Variants in PCDH11X observed in about 807,000 individuals in gnomAD.
PCDH11X encodes the protein protocadherin 11 X-linked.
Under a neutral mutation model 53.3 loss-of-function variants are expected in PCDH11X, and 18 were observed. That is an observed-to-expected ratio of 0.34 (90% confidence interval 0.23 to 0.50). PCDH11X has a LOEUF of 0.50. PCDH11X is among the 20% of genes least tolerant of loss of function. The pLI is 0.98. For synonymous variants in PCDH11X, 279 were observed against 393.3 expected, an observed-to-expected ratio of 0.71 and a Z score of 3.44; for missense variants, 570 against 1,032.4, an observed-to-expected ratio of 0.55 and a Z score of 6.14.
At chrX:91,923,138 C>T (rs1373126090) in intron 6 of PCDH11X, among the ~76,000 whole-genome samples, 1 of 105,397 alleles carries the variant, frequency 9.5e-6, no homozygotes, top group East Asian at 3.0e-4. Flanking sequence ...TAATTATGAC[C>T]TCATTATTGT....
chrX:92,313,741 A>G (rs1172756774), intron 8 of PCDH11X, among the ~76,000 whole-genome samples: 15 of 111,797 alleles, frequency 1.3e-4, no homozygotes, highest in African/African-American at 4.9e-4. Flanking sequence ...TTCTTTGGTT[A>G]CAAATCTGTA....
intron 6 of PCDH11X, among the ~76,000 whole-genome samples, chrX:91,933,906 A>T: frequency 9.1e-6 from 1 of 109,762 alleles, no homozygotes; most frequent in East Asian, 2.9e-4. Flanking sequence ...ACAATTAACA[A>T]AAATCACCCA....
intron 6 of PCDH11X, among the ~76,000 whole-genome samples, chrX:92,004,396 A>G (rs977176855): frequency 1.8e-5 from 2 of 110,944 alleles, no homozygotes; most frequent in African/African-American, 6.5e-5. Flanking sequence ...TATTAGGTCC[A>G]TTTGGTCTAT....
At chrX:91,864,118 C>T (rs1375914561) in intron 5 of PCDH11X, among the ~76,000 whole-genome samples, 7 of 111,219 alleles carry the variant, frequency 6.3e-5, no homozygotes, top group South Asian at 3.8e-4. Context: ...ACTTATTGCT[C>T]GTTAATGTCT....
At chrX:92,223,729 T>C (rs1206770273) in intron 7 of PCDH11X, among the ~76,000 whole-genome samples, 1 of 112,034 alleles carries the variant, frequency 8.9e-6, no homozygotes, top group Non-Finnish European at 1.9e-5. Context: ...ATGACAATAA[T>C]AATTAGATTT....
chrX:92,152,375 CA>C (rs2065449889), intron 6 of PCDH11X, among the ~76,000 whole-genome samples: 3 of 108,408 alleles, frequency 2.8e-5, no homozygotes, highest in South Asian at 8.0e-4. Context: ...AATTATAATG[CA>C]AAGTAGTAGA....
At chrX:92,493,016 A>G (rs1350294430) in intron 10 of PCDH11X, among the ~76,000 whole-genome samples, 2 of 111,811 alleles carry the variant, frequency 1.8e-5, no homozygotes, top group African/African-American at 6.5e-5. Flanking sequence ...TGAATATTGT[A>G]TGATTTTTCT....
At chrX:92,250,662 G>A (rs371078589) in intron 7 of PCDH11X, among the ~76,000 whole-genome samples, 2 of 104,562 alleles carry the variant, frequency 1.9e-5, no homozygotes, top group South Asian at 4.1e-4. Flanking sequence ...ATAATATTTG[G>A]CCATAAAAAA....
chrX:92,533,125 AT>A (rs1191244610), intron 10 of PCDH11X, among the ~76,000 whole-genome samples: 2 of 111,414 alleles, frequency 1.8e-5, no homozygotes, highest in Non-Finnish European at 3.8e-5. Flanking sequence ...ACACCATATC[AT>A]TTTCAAAACA....
intron 8 of PCDH11X, among the ~76,000 whole-genome samples, chrX:92,323,623 G>T (rs1467397470): frequency 9.1e-6 from 1 of 110,105 alleles, no homozygotes. Flanking sequence ...TGCACAATGT[G>T]CAGGTTAGTT....
At chrX:92,527,702 A>T (rs115688151) in intron 10 of PCDH11X, among the ~76,000 whole-genome samples, 1,677 of 111,533 alleles carry the variant, frequency 0.015, 36 homozygotes, top group African/African-American at 0.052. Flanking sequence ...GCAACGCATA[A>T]AATATATTCT....
At chrX:92,460,114 G>A (rs1241192835) in intron 9 of PCDH11X, 9 of 1,076,037 alleles carry the variant, frequency 8.4e-6, no homozygotes, top group South Asian at 1.8e-5. Context: ...TGCCTGCATC[G>A]TTCTGCATAT....
intron 8 of PCDH11X, among the ~76,000 whole-genome samples, chrX:92,360,687 A>G (rs144405259): frequency 0.031 from 3,498 of 111,173 alleles, 143 homozygotes; most frequent in African/African-American, 0.11. Context: ...TACATCATAC[A>G]TATTTAAAAA....
At chrX:92,412,891 T>C (rs755586224) in intron 9 of PCDH11X, among the ~76,000 whole-genome samples, 6 of 110,046 alleles carry the variant, frequency 5.5e-5, no homozygotes, top group Non-Finnish European at 1.1e-4. Context: ...TACATGATCA[T>C]ATGTACATGT....
intron 8 of PCDH11X, among the ~76,000 whole-genome samples, chrX:92,301,065 A>C (rs1410419566): frequency 9.0e-6 from 1 of 110,599 alleles, no homozygotes; most frequent in Non-Finnish European, 1.9e-5. Context: ...GCTGTGGGCA[A>C]GTGCTTGCTG....
intron 6 of PCDH11X, among the ~76,000 whole-genome samples, chrX:92,065,542 T>C (rs2063595135): frequency 8.9e-6 from 1 of 111,903 alleles, no homozygotes; most frequent in Non-Finnish European, 1.9e-5. Flanking sequence ...GCCTGACTTT[T>C]GGATAAAACC....
intron 7 of PCDH11X, among the ~76,000 whole-genome samples, chrX:92,240,964 A>G (rs764606060): frequency 5.4e-5 from 6 of 111,121 alleles, no homozygotes; most frequent in Non-Finnish European, 9.4e-5. Flanking sequence ...TATGAATCTC[A>G]GCAAAAATTT....
intron 7 of PCDH11X, among the ~76,000 whole-genome samples, chrX:92,202,518 A>T (rs1289039756): frequency 1.8e-5 from 2 of 111,222 alleles, no homozygotes; most frequent in Non-Finnish European, 3.8e-5. Flanking sequence ...GTCACCTGAC[A>T]TTCCTGGGGG....
At chrX:92,240,598 ACTAT>A (rs1349960892) in intron 7 of PCDH11X, among the ~76,000 whole-genome samples, 6 of 111,909 alleles carry the variant, frequency 5.4e-5, no homozygotes, top group African/African-American at 1.9e-4. Context: ...GAAACAACAC[ACTAT>A]CTATATTCTG....
Sources: allele counts gnomAD v4.1 joint callset (sites outside exome capture counted in the v4.1 genomes callset), GRCh38; gene constraint gnomAD v4.1.1; transcripts MANE v1.5; gene names NCBI Gene and HGNC (gene_info 2026-07-23, HGNC 2026-07-21).